Variants in ZNF585B observed in about 807,000 individuals in gnomAD.
The protein encoded by ZNF585B is zinc finger protein 41-like protein.
A neutral mutation model predicts 14.0 loss-of-function variants in ZNF585B; 7 were observed. That is an observed-to-expected ratio of 0.50 (90% CI 0.28 to 0.94). The LOEUF (loss-of-function observed/expected upper bound fraction) is 0.94, where lower values mean the gene tolerates loss of function less well. Ranked by LOEUF, ZNF585B falls within the 40% of genes least tolerant of loss-of-function variation. The pLI, the probability that ZNF585B is intolerant of heterozygous loss-of-function variation, is 0.09. For synonymous variants in ZNF585B, 290 were observed against 317.3 expected, an observed-to-expected ratio of 0.91 and a Z score of 0.91; for missense variants, 750 against 924.4, an observed-to-expected ratio of 0.81 and a Z score of 2.45.
chr19:37,195,486 T>C (rs1972455955), intron 2 of ZNF585B, among the ~76,000 whole-genome samples: 1 of 150,232 alleles, frequency 6.7e-6, no homozygotes, highest in Non-Finnish European at 1.5e-5. Flanking sequence ...TCAACTAGAC[T>C]GATGAAAATA....
intron 2 of ZNF585B, among the ~76,000 whole-genome samples, chr19:37,194,804 T>C (rs563414322): frequency 6.6e-6 from 1 of 151,786 alleles, no homozygotes; most frequent in African/African-American, 2.4e-5. Flanking sequence ...CATAGAAAAA[T>C]GACCAAGATA....
chr19:37,199,080 T>A (rs1266584193), intron 2 of ZNF585B: 1 of 1,342,544 alleles, frequency 7.4e-7, no homozygotes, highest in African/African-American at 1.5e-5. Context: ...ATGTTCTAAT[T>A]TTTCTCTTTA....
Position 37,184,951 on chromosome 19 carries a change from T to A in ZNF585B, c.*276A>T. Reference sequence around the variant, plus strand: ...GAAGAATTTGGTAACAGTATTCTATTGTAGTTTTCATGAGAAGGCTTTTCC... The same window carrying A: ...GAAGAATTTGGTAACAGTATTCTATAGTAGTTTTCATGAGAAGGCTTTTCC... On this transcript the variant is annotated 3_prime_UTR_variant, in exon 5 of 5. Coordinates refer to ENST00000532828, the MANE Select transcript of ZNF585B (RefSeq NM_152279.4). 1 of 468,246 alleles carries A rather than the reference T, an allele frequency of 2.1e-6. No individual in the cohort carries two copies. The highest frequency in any genetic ancestry group is 3.7e-6 in the Non-Finnish European group (1 of 267,542). 29.0% of individuals were successfully genotyped at this position (468,246 alleles called of 1,614,324 possible). A position where few individuals can be genotyped will look rare whatever the true frequency, so the allele number is the denominator to read the frequency against.
At chr19:37,201,943 T>A (rs1972535151) in intron 2 of ZNF585B, among the ~76,000 whole-genome samples, 1 of 152,228 alleles carries the variant, frequency 6.6e-6, no homozygotes. Flanking sequence ...GACTTTGGAC[T>A]GGGCTGCTGA....
Position 37,186,183 on chromosome 19 carries a change from G to C in ZNF585B, c.1354C>G (p.Gln452Glu). 6.2e-7 allele frequency: 1 copy of C among 1,614,158 alleles called. No individual in the cohort carries two copies. Among genetic ancestry groups the C allele is most frequent in the Non-Finnish European group, 8.5e-7 (1 of 1,180,042 alleles). ...TGAATTCGTTTATGAACATGGAGTT[G>C]TGACTTGGAAGTAAACAATTTCCCA... Reference protein sequence around the residue: ...HCGKLFTSKSQLHVHKRIHTG... With the variant: ...HCGKLFTSKSELHVHKRIHTG... The change falls in exon 5 of 5, where the codon CAA (glutamine) becomes GAA (glutamate). Residue 452 changes from glutamine to glutamate, a missense_variant. Coordinates refer to ENST00000532828, the MANE Select transcript of ZNF585B (RefSeq NM_152279.4).
intron 2 of ZNF585B, 177 bp from the exon 3 acceptor site, chr19:37,190,327 C>T (rs1331790037): frequency 2.7e-6 from 2 of 746,436 alleles, no homozygotes; most frequent in South Asian, 2.3e-5. Context: ...CTTACTGCAA[C>T]CTCCACCTCC....
At chr19:37,187,596 C>A (rs1316615630) in intron 4 of ZNF585B, among the ~76,000 whole-genome samples, 2 of 152,182 alleles carry the variant, frequency 1.3e-5, no homozygotes, top group Admixed American at 6.5e-5. Context: ...TCATCTCTAT[C>A]ATCATCTTCC....
intron 2 of ZNF585B, among the ~76,000 whole-genome samples, chr19:37,192,443 G>C (rs1335269426): frequency 6.6e-6 from 1 of 151,764 alleles, no homozygotes; most frequent in Non-Finnish European, 1.5e-5. Context: ...GGGGAGATGG[G>C]CTCCAGTGAG....
intron 2 of ZNF585B, among the ~76,000 whole-genome samples, chr19:37,195,061 C>T (rs1009206674): frequency 6.6e-6 from 1 of 151,838 alleles, no homozygotes; most frequent in Non-Finnish European, 1.5e-5. Context: ...AATAAATACA[C>T]CTGGCCGGGC....
Position 37,182,643 on chromosome 19 carries a change from G to A in ZNF585B, c.*2584C>T, listed in dbSNP as rs1306254206. ...TTGATCTAAGGTGAGGTAATGGGAT[G>A]TGTCACCAAGCACTGCCCAACTAGG... On this transcript the variant is annotated 3_prime_UTR_variant, in exon 5 of 5. Coordinates refer to ENST00000532828, the MANE Select transcript of ZNF585B (RefSeq NM_152279.4). 1 of 152,222 alleles carries A rather than the reference G, an allele frequency of 6.6e-6. No individual in the cohort carries two copies. The highest frequency in any genetic ancestry group is 1.5e-5 in the Non-Finnish European group (1 of 68,064). 9.4% of individuals were successfully genotyped at this position (152,222 alleles called of 1,614,324 possible). A position where few individuals can be genotyped will look rare whatever the true frequency, so the allele number is the denominator to read the frequency against.
At chr19:37,199,466 A>G (rs977409786) in intron 2 of ZNF585B, 8 of 454,114 alleles carry the variant, frequency 1.8e-5, no homozygotes, top group Non-Finnish European at 3.5e-5. Context: ...TCCAGGCTAC[A>G]GTGAGCCGTG....
At position 37,186,055 on chromosome 19, in the gene ZNF585B, A is replaced by G. The variant is rs763971301; in HGVS notation, c.1482T>C (p.Tyr494=). Residue 494 remains tyrosine (Y), a synonymous_variant, in exon 5 of 5, where the codon TAT becomes TAC. Transcript: ENST00000532828. The part of the protein sequence containing the change: ...HQKTHTGEKS[Y]ICSKCGKAFT... ...AGGCCTTTCCACATTTGGAACATATATAAGATTTCTCTCCTGTATGAGTTT... is the reference window on the plus strand; with the variant it reads ...AGGCCTTTCCACATTTGGAACATATGTAAGATTTCTCTCCTGTATGAGTTT... 5.9e-5 allele frequency: 95 copies of G among 1,613,866 alleles called. 1 individual carries two copies. The Admixed American group carries it at 1.2e-3, about 20-fold the overall frequency.
intron 2 of ZNF585B, among the ~76,000 whole-genome samples, chr19:37,198,306 G>C (rs1054983186): frequency 3.9e-5 from 6 of 151,962 alleles, no homozygotes; most frequent in African/African-American, 1.4e-4. Flanking sequence ...CCAGTAGCTG[G>C]GATTACAGGC....
In ZNF585B at chr19:37,186,746, T is replaced by C. The variant is rs1286406148; in HGVS notation, c.791A>G (p.His264Arg). 2 of 1,614,190 alleles carry C rather than the reference T, an allele frequency of 1.2e-6. No individual in the cohort carries two copies. The highest frequency in any genetic ancestry group is 1.3e-5 in the African/African-American group (1 of 75,052). Residue 264 changes from histidine (H) to arginine (R), a missense_variant, in exon 5 of 5, where the codon CAT becomes CGT. His to Arg is a conservative substitution (Grantham distance 29). Transcript: ENST00000532828. ...ACAGATGTAGGATCTCTCGCCTGTA[T>C]GGATTTTCTGATGAATCTTGAGTGT... ...KSTLKIHQKI[H>R]TGERSYICIE...
intron 2 of ZNF585B, among the ~76,000 whole-genome samples, chr19:37,202,893 C>T (rs1251898549): frequency 7.9e-5 from 12 of 152,052 alleles, no homozygotes; most frequent in Non-Finnish European, 2.9e-5. Flanking sequence ...TCCACTGGCC[C>T]TGGTCTCCCA....
intron 1 of ZNF585B, 81 bp from the exon 2 acceptor site, chr19:37,207,335 G>T: frequency 9.1e-7 from 1 of 1,098,756 alleles, no homozygotes; most frequent in South Asian, 2.1e-5. Flanking sequence ...AGGTCCCTGC[G>T]CTAGAAACCA....
intron 2 of ZNF585B, among the ~76,000 whole-genome samples, chr19:37,203,706 G>A (rs1052145015): frequency 3.3e-5 from 5 of 152,140 alleles, no homozygotes; most frequent in African/African-American, 1.2e-4. Flanking sequence ...TCGGCTCACC[G>A]AAACCTCCAC....
intron 1 of ZNF585B, among the ~76,000 whole-genome samples, chr19:37,207,943 T>C (rs548638581): frequency 3.1e-4 from 47 of 152,168 alleles, no homozygotes; most frequent in Admixed American, 5.9e-4. Flanking sequence ...GCCATGCATC[T>C]GGAATAAAAC....
Position 37,207,060 on chromosome 19 carries a change from C to T in ZNF585B, c.52G>A (p.Asp18Asn). The change falls in exon 2 of 5, where the codon GAT becomes AAT. Residue 18 changes from aspartate (D) to asparagine (N), a missense_variant. Transcript: ENST00000532828. ...PQKSSALAPE[D>N]HGSSYEGSVS... Reference sequence around the variant, plus strand: ...CTCACCTCATAGGAGCTGCCATGATCCTCTGGAGCCAGGGCTGAGGATTTC... The same window carrying T: ...CTCACCTCATAGGAGCTGCCATGATTCTCTGGAGCCAGGGCTGAGGATTTC... 6.2e-7 allele frequency: 1 copy of T among 1,614,110 alleles called. No individual in the cohort carries two copies. The highest frequency in any genetic ancestry group is 8.5e-7 in the Non-Finnish European group (1 of 1,180,028).
Sources: allele counts gnomAD v4.1 joint callset (sites outside exome capture counted in the v4.1 genomes callset), GRCh38; gene constraint gnomAD v4.1.1; transcripts MANE v1.5; gene names NCBI Gene and HGNC (gene_info 2026-07-23, HGNC 2026-07-21).